NRXN1: variants seen among roughly 807,000 people sequenced by gnomAD.
NRXN1 encodes neurexin 1, also known as neurexin-1.
A neutral mutation model predicts 150.9 loss-of-function variants in NRXN1; 39 were observed. The observed-to-expected ratio is 0.26, with a 90% CI of 0.20 to 0.34. The LOEUF (loss-of-function observed/expected upper bound fraction) is 0.34. Ranked by LOEUF, NRXN1 falls within the 10% of genes least tolerant of loss-of-function variation. NRXN1 has a pLI of 1.00. For missense variants in NRXN1, 1,815 were observed against 1,949.9 expected, an observed-to-expected ratio of 0.93 and a Z score of 1.30; for synonymous variants, 924 against 757.0, an observed-to-expected ratio of 1.22 and a Z score of -3.62.
intron 5 of NRXN1, among the ~76,000 whole-genome samples, chr2:50,642,467 T>C (rs1684212097): frequency 6.6e-6 from 1 of 152,014 alleles, no homozygotes; most frequent in African/African-American, 2.4e-5. Flanking sequence ...GAAATAAAAT[T>C]AATGAAATTT....
chr2:50,420,962 CTGTGTGTGTGTGTGTGTGTGTGTG>C lies in NRXN1; in HGVS notation c.3364+44456_3364+44479del, dbSNP rs4032055. ...CCTGGTCACCCTAGTCAAAATAGAC[CTGTGTGTGTGTGTGTGTGTGTGTG>C]TGTGTGTGTGTGTGTGTGTGTGTGT... On this transcript the variant is annotated intron_variant, in intron 17 of 22. Transcript: ENST00000401669. Among the ~76,000 whole-genome samples, 144 of 120,026 alleles carry C rather than the reference CTGTGTGTGTGTGTGTGTGTGTGTG, an allele frequency of 1.2e-3. 1 individual carries two copies. Among genetic ancestry groups the C allele is most frequent in the African/African-American group, 3.6e-3 (122 of 33,522 alleles). 78.7% of individuals were successfully genotyped at this position (120,026 alleles called of 152,430 possible).
At chr2:50,711,611 C>A (rs1000131698) in intron 5 of NRXN1, among the ~76,000 whole-genome samples, 3 of 152,084 alleles carry the variant, frequency 2.0e-5, no homozygotes, top group Non-Finnish European at 4.4e-5. Flanking sequence ...GCTGGGATTA[C>A]AGGCATAAGC....
At chr2:50,717,907 C>T (rs1408667173) in intron 5 of NRXN1, among the ~76,000 whole-genome samples, 1 of 152,064 alleles carries the variant, frequency 6.6e-6, no homozygotes, top group African/African-American at 2.4e-5. Context: ...CTCTCATGAT[C>T]GAATCACCTA....
In NRXN1 at chr2:50,552,645, C is replaced by G; in HGVS notation, c.1701G>C (p.Leu567Phe). The part of the protein sequence containing the change: ...GSGTIKIKAL[L>F]KKVNDGEWYH... Reference sequence around the variant, plus strand: ...ACCATTCTCCATCATTCACTTTCTTCAACAGGGCTTTTATTTTTATAGTAC... The same window carrying G: ...ACCATTCTCCATCATTCACTTTCTTGAACAGGGCTTTTATTTTTATAGTAC... Residue 567 changes from leucine (L) to phenylalanine (F), a missense_variant, in exon 9 of 23, where the codon TTG (leucine) becomes TTC (phenylalanine). Transcript: ENST00000401669. 1 of 1,613,890 alleles carries G rather than the reference C, an allele frequency of 6.2e-7. No individual in the cohort carries two copies. Among genetic ancestry groups the G allele is most frequent in the Non-Finnish European group, 8.5e-7 (1 of 1,179,820 alleles).
chr2:50,341,942 A>G (rs2077575924), intron 17 of NRXN1, among the ~76,000 whole-genome samples: 1 of 152,188 alleles, frequency 6.6e-6, no homozygotes, highest in African/African-American at 2.4e-5. Flanking sequence ...ATTTTTAAGG[A>G]AAAAATTGAA....
intron 2 of NRXN1, among the ~76,000 whole-genome samples, chr2:51,015,904 C>T (rs945018431): frequency 2.0e-5 from 3 of 151,652 alleles, no homozygotes; most frequent in Non-Finnish European, 4.4e-5. Flanking sequence ...AAACAGAGCC[C>T]GTACAGCCAA....
chr2:50,269,393 T>G (rs1313429709), intron 17 of NRXN1, among the ~76,000 whole-genome samples: 2 of 152,224 alleles, frequency 1.3e-5, no homozygotes, highest in Non-Finnish European at 2.9e-5. Context: ...AAAGATAGTA[T>G]GCACTGTATT....
chr2:49,986,572 T>C (rs937611493), intron 21 of NRXN1, among the ~76,000 whole-genome samples: 1 of 152,156 alleles, frequency 6.6e-6, no homozygotes, highest in African/African-American at 2.4e-5. Flanking sequence ...TATGAAACAA[T>C]GAGAATGAAA....
intron 17 of NRXN1, among the ~76,000 whole-genome samples, chr2:50,292,665 T>C (rs1046800095): frequency 3.3e-5 from 5 of 152,232 alleles, no homozygotes; most frequent in Non-Finnish European, 5.9e-5. Flanking sequence ...GTATCACTGA[T>C]ATTTTTTTCA....
intron 17 of NRXN1, among the ~76,000 whole-genome samples, chr2:50,456,536 C>A (rs896974021): frequency 6.6e-6 from 1 of 152,100 alleles, no homozygotes; most frequent in East Asian, 1.9e-4. Flanking sequence ...ATTAAAGACA[C>A]AGAATGCTTT....
chr2:50,252,258 C>CTTTTTTTT lies in NRXN1; in HGVS notation c.3365-15296_3365-15289dup, dbSNP rs143522284. ...CTTTTTTTTTTTTCTTTTTTCTTTT[C>CTTTTTTTT]TTTTTTTTTTTTTTTTTTTGAGACA... is the stretch of plus-strand genomic sequence containing the variant. On this transcript the variant is annotated intron_variant, in intron 17 of 22. Coordinates refer to ENST00000401669, the MANE Select transcript of NRXN1 (RefSeq NM_001330078.2). Among the ~76,000 whole-genome samples the CTTTTTTTT allele has an allele frequency of 3.3e-4, 23 of 69,706 alleles. 1 individual carries two copies. Among genetic ancestry groups the CTTTTTTTT allele is most frequent in the African/African-American group, 4.2e-4 (7 of 16,580 alleles). 45.7% of individuals were successfully genotyped at this position (69,706 alleles called of 152,430 possible). A position where few individuals can be genotyped will look rare whatever the true frequency, so the allele number is the denominator to read the frequency against.
chr2:50,155,914 G>A (rs979375302), intron 18 of NRXN1, among the ~76,000 whole-genome samples: 18 of 151,610 alleles, frequency 1.2e-4, no homozygotes, highest in African/African-American at 4.1e-4. Flanking sequence ...TGTACAAAAA[G>A]TAGAATGTTC....
intron 5 of NRXN1, among the ~76,000 whole-genome samples, chr2:50,750,695 A>G (rs1292161432): frequency 6.6e-6 from 1 of 151,956 alleles, no homozygotes; most frequent in African/African-American, 2.4e-5. Context: ...ACCACCACCA[A>G]AGTTCTTATA....
intron 13 of NRXN1, among the ~76,000 whole-genome samples, chr2:50,502,965 C>A (rs559099026): frequency 2.0e-5 from 3 of 151,986 alleles, no homozygotes; most frequent in Non-Finnish European, 4.4e-5. Flanking sequence ...ATTCTAGGGG[C>A]GAAGTGTGGT....
At chr2:50,728,994 G>A (rs995409085) in intron 5 of NRXN1, among the ~76,000 whole-genome samples, 7 of 152,210 alleles carry the variant, frequency 4.6e-5, no homozygotes, top group African/African-American at 1.4e-4. Flanking sequence ...ATATGCTACT[G>A]TGAAACCTTT....
intron 17 of NRXN1, among the ~76,000 whole-genome samples, chr2:50,376,937 T>C (rs1403826235): frequency 6.7e-6 from 1 of 148,440 alleles, no homozygotes; most frequent in Non-Finnish European, 1.5e-5. Flanking sequence ...AAATTCTTTT[T>C]CTTTCTTTCT....
chr2:50,712,933 T>G (rs1695368970), intron 5 of NRXN1, among the ~76,000 whole-genome samples: 1 of 152,206 alleles, frequency 6.6e-6, no homozygotes, highest in Non-Finnish European at 1.5e-5. Context: ...TTTTATCTGA[T>G]GGAAATGATA....
intron 21 of NRXN1, among the ~76,000 whole-genome samples, chr2:49,982,161 CT>C (rs1680089103): frequency 6.6e-6 from 1 of 151,990 alleles, no homozygotes; most frequent in Non-Finnish European, 1.5e-5. Flanking sequence ...AACACAATGT[CT>C]TTCATTTGGA....
At chr2:50,654,939 TCCAA>T (rs1464354660) in intron 5 of NRXN1, among the ~76,000 whole-genome samples, 5 of 151,948 alleles carry the variant, frequency 3.3e-5, no homozygotes, top group Non-Finnish European at 2.9e-5. Context: ...TTTCACACTC[TCCAA>T]CCAAGTGAAC....
Sources: allele counts gnomAD v4.1 joint callset (sites outside exome capture counted in the v4.1 genomes callset), GRCh38; gene constraint gnomAD v4.1.1; transcripts MANE v1.5; gene names NCBI Gene and HGNC (gene_info 2026-07-23, HGNC 2026-07-21).